GPN1: variants seen among roughly 807,000 people sequenced by gnomAD.
GPN1 encodes the protein GPN-loop GTPase 1.
In GPN1, 44 loss-of-function variants were observed where a neutral mutation model predicts 55.9. The observed-to-expected ratio is 0.79, with a 90% CI of 0.62 to 1.01. The LOEUF is 1.01. GPN1 is among the 50% of genes least tolerant of loss of function. The pLI is 0.00. For missense variants in GPN1, 466 were observed against 462.8 expected (o/e 1.01, Z -0.06); for synonymous variants, 179 against 162.5 (o/e 1.10, Z -0.77).
At chr2:27,635,298 C>CACTTTTTTT in intron 7 of GPN1, 64 bp downstream of exon 7, 6 of 445,266 alleles carry the variant, frequency 1.3e-5, no homozygotes, top group Non-Finnish European at 1.8e-5. Flanking sequence ...CTTCTTCTTC[C>CACTTTTTTT]TCTTTTTTTT....
Position 27,640,459 on chromosome 2 carries a change from G to A in GPN1, c.800+334G>A, listed in dbSNP as rs1013176051. On this transcript the variant is annotated intron_variant, in intron 10 of 13. Coordinates refer to ENST00000610189, the MANE Select transcript of GPN1 (RefSeq NM_007266.4). The stretch of plus-strand genomic sequence containing the variant: ...ACGTCTGCCATTGTAGGACAAAAGC[G>A]TCCTCAGACAATTTGTAAATTAATG... 1.1e-4 allele frequency among the ~76,000 whole-genome samples: 16 copies of A among 152,318 alleles called. 1 individual carries two copies. The highest frequency in any genetic ancestry group is 3.4e-4 in the African/African-American group (14 of 41,576).
At position 27,630,922 on chromosome 2, in the gene GPN1, A is replaced by G. The variant is rs190569742; in HGVS notation, c.206-105A>G. The G allele has an allele frequency of 8.3e-5, 59 of 707,192 alleles. 2 individuals are homozygous for G. The East Asian group carries it at 1.5e-3, about 18-fold the overall frequency. The allele number at this position is 707,192 out of a possible 1,614,324, so 43.8% of individuals were successfully genotyped here. A position where few individuals can be genotyped will look rare whatever the true frequency, so the allele number is the denominator to read the frequency against. On this transcript the variant is annotated intron_variant, in intron 2 of 13. Coordinates refer to ENST00000610189, the MANE Select transcript of GPN1 (RefSeq NM_007266.4). ...AAACCAGTGTGAAAGTGGAGGTGGTAGAAGAGAATGCTGACAGGAGAAGGC... is the reference window on the plus strand; with the variant it reads ...AAACCAGTGTGAAAGTGGAGGTGGTGGAAGAGAATGCTGACAGGAGAAGGC...
chr2:27,630,896 G>A, intron 2 of GPN1, 131 bp from the exon 3 acceptor site: 2 of 687,958 alleles, frequency 2.9e-6, no homozygotes, highest in South Asian at 3.2e-5. Flanking sequence ...TGTAAGGAAG[G>A]AAACCAGTGT....
chr2:27,651,287 AC>A lies in GPN1; in HGVS notation c.*1089del, dbSNP rs1161852888. On this transcript the variant is annotated 3_prime_UTR_variant, in exon 14 of 14. Transcript: ENST00000610189. Reference sequence around the variant, plus strand: ...GGAATTGTTCAACTTACCTCTTATAACCTATGAACTCAGAAACCCTGGGGGT... The same window carrying A: ...GGAATTGTTCAACTTACCTCTTATAACTATGAACTCAGAAACCCTGGGGGT... 6.6e-6 allele frequency: 1 copy of A among 152,202 alleles called. No homozygotes were observed. The highest frequency in any genetic ancestry group is 1.5e-5 in the Non-Finnish European group (1 of 68,048). 9.4% of individuals were successfully genotyped at this position (152,202 alleles called of 1,614,324 possible).
chr2:27,646,599 C>G lies in GPN1; in HGVS notation c.932-1237C>G, dbSNP rs537643597. Among the ~76,000 whole-genome samples, 4 of 152,098 alleles carry G rather than the reference C, an allele frequency of 2.6e-5. No individual in the cohort carries two copies. In the East Asian group the frequency reaches 7.7e-4, roughly 29 times the overall value. ...CCCACCCCTGTATATTGAGGGACTG[C>G]CCTCAAGATTCAGATGCAAGTCTAT... On this transcript the variant is annotated intron_variant, in intron 12 of 13. Coordinates refer to ENST00000610189, the MANE Select transcript of GPN1 (RefSeq NM_007266.4).
upstream of GPN1, chr2:27,628,388 A>C (rs563048922): frequency 1.3e-6 from 2 of 1,550,542 alleles, no homozygotes; most frequent in South Asian, 1.2e-5. Flanking sequence ...TCCAGTACCT[A>C]CTTGCACCTG....
chr2:27,638,787 T>G, intron 8 of GPN1, 98 bp from the exon 9 acceptor site: 1 of 983,554 alleles, frequency 1.0e-6, no homozygotes, highest in African/African-American at 1.6e-5. Flanking sequence ...AAAGAAAATA[T>G]ATGGATGATA....
intron 6 of GPN1, 85 bp downstream of exon 6, chr2:27,635,009 A>G (rs758917684): frequency 7.1e-6 from 7 of 985,340 alleles, no homozygotes; most frequent in African/African-American, 4.8e-5. Context: ...TGGACTTTAT[A>G]TGGGAGGAAG....
At chr2:27,641,194 G>C in intron 10 of GPN1, 46 bp from the exon 11 acceptor site, 1 of 1,314,686 alleles carries the variant, frequency 7.6e-7, no homozygotes, top group Non-Finnish European at 1.1e-6. Context: ...GAGTCAGTAG[G>C]ATAGAGGATT....
At chr2:27,629,772 A>G (rs1196649856) in intron 1 of GPN1, 87 bp from the exon 2 acceptor site, 1 of 780,578 alleles carries the variant, frequency 1.3e-6, no homozygotes, top group African/African-American at 1.7e-5. Flanking sequence ...TAAGTGCAAT[A>G]TTCTTAAGGC....
intron 5 of GPN1, among the ~76,000 whole-genome samples, chr2:27,632,900 C>T (rs941105211): frequency 6.6e-6 from 1 of 152,222 alleles, no homozygotes; most frequent in Non-Finnish European, 1.5e-5. Context: ...TTCTTAGGAG[C>T]TCTTTTGAGA....
At position 27,642,425 on chromosome 2, in the gene GPN1, A is replaced by G; in HGVS notation, c.841-4A>G. On this transcript the variant is annotated splice_region_variant and splice_polypyrimidine_tract_variant and intron_variant, in intron 11 of 13. Coordinates refer to ENST00000610189, the MANE Select transcript of GPN1 (RefSeq NM_007266.4). ...TATGATGACATTTTTCTCTGTATAT[A>G]CAGGCCAACGCAGAGAGCCAACAGC... The G allele has an allele frequency of 6.3e-7, 1 of 1,598,086 alleles. No individual in the cohort carries two copies. Among genetic ancestry groups the G allele is most frequent in the Non-Finnish European group, 8.6e-7 (1 of 1,165,644 alleles).
intron 10 of GPN1, among the ~76,000 whole-genome samples, 185 bp from the exon 11 acceptor site, chr2:27,641,055 G>A (rs546311260): frequency 6.6e-6 from 1 of 152,082 alleles, no homozygotes; most frequent in African/African-American, 2.4e-5. Context: ...AGGTGGGAGC[G>A]GGCACCTTGG....
intron 12 of GPN1, among the ~76,000 whole-genome samples, chr2:27,644,390 T>C (rs940353844): frequency 5.3e-5 from 8 of 152,318 alleles, no homozygotes; most frequent in Non-Finnish European, 8.8e-5. Context: ...CTATCAGTTA[T>C]CCTTTGACTT....
At chr2:27,638,709 T>A (rs1211898049) in intron 8 of GPN1, among the ~76,000 whole-genome samples, 176 bp from the exon 9 acceptor site, 1 of 152,226 alleles carries the variant, frequency 6.6e-6, no homozygotes, top group Non-Finnish European at 1.5e-5. Flanking sequence ...CTTCATTTAA[T>A]TACACTGACT....
chr2:27,635,706 A>C (rs751923809), intron 7 of GPN1, among the ~76,000 whole-genome samples: 3 of 152,094 alleles, frequency 2.0e-5, no homozygotes, highest in Non-Finnish European at 4.4e-5. Context: ...AGTCCCAGCT[A>C]CTTGGGAGGC....
chr2:27,648,463 G>A (rs1404290629), intron 13 of GPN1, among the ~76,000 whole-genome samples: 1 of 152,142 alleles, frequency 6.6e-6, no homozygotes, highest in Non-Finnish European at 1.5e-5. Flanking sequence ...AGGCTATTAT[G>A]AGCTATGACT....
chr2:27,629,707 C>T, intron 1 of GPN1, 152 bp from the exon 2 acceptor site: 1 of 630,846 alleles, frequency 1.6e-6, no homozygotes, highest in Non-Finnish European at 2.9e-6. Context: ...AGCATTTGAA[C>T]TGAGAGTTGT....
chr2:27,642,766 T>C (rs1674009970), intron 12 of GPN1, among the ~76,000 whole-genome samples: 1 of 151,922 alleles, frequency 6.6e-6, no homozygotes, highest in Admixed American at 6.6e-5. Flanking sequence ...GTTTTTTCCA[T>C]GTTGGTCAGG....
Sources: allele counts gnomAD v4.1 joint callset (sites outside exome capture counted in the v4.1 genomes callset), GRCh38; gene constraint gnomAD v4.1.1; transcripts MANE v1.5; gene names NCBI Gene and HGNC (gene_info 2026-07-23, HGNC 2026-07-21).